MAMDC2: variants seen among roughly 807,000 people sequenced by gnomAD.
The protein encoded by MAMDC2 is MAM domain containing 2, also known as MAM domain-containing protein 2.
Under a neutral mutation model 89.8 loss-of-function variants are expected in MAMDC2, and 57 were observed. The observed-to-expected ratio is 0.63, with a 90% CI of 0.51 to 0.79. The LOEUF (loss-of-function observed/expected upper bound fraction) is 0.79. Ranked by LOEUF, MAMDC2 falls within the 30% of genes least tolerant of loss-of-function variation. The pLI, the probability that MAMDC2 is intolerant of heterozygous loss-of-function variation, is 0.00. For missense variants in MAMDC2, 800 were observed against 820.6 expected (o/e 0.97, Z 0.31); for synonymous variants, 313 against 293.4 (o/e 1.07, Z -0.68).
intron 2 of MAMDC2, among the ~76,000 whole-genome samples, chr9:70,080,246 C>T (rs1341433170): frequency 6.6e-6 from 1 of 152,180 alleles, no homozygotes; most frequent in Non-Finnish European, 1.5e-5. Flanking sequence ...CATCTTTCCA[C>T]AATCACTCTA....
At chr9:70,157,177 T>C (rs2031789812) in intron 9 of MAMDC2, among the ~76,000 whole-genome samples, 1 of 152,216 alleles carries the variant, frequency 6.6e-6, no homozygotes. Context: ...ACTTCTATCT[T>C]GTGAATATTT....
At chr9:70,062,773 C>T (rs1165416214) in intron 2 of MAMDC2, 2 of 152,188 alleles carry the variant, frequency 1.3e-5, no homozygotes, top group Non-Finnish European at 2.9e-5. Flanking sequence ...CTATTTCCAT[C>T]AGAATAAATT....
intron 11 of MAMDC2, chr9:70,217,239 G>A (rs575454071): frequency 1.3e-5 from 11 of 871,280 alleles, no homozygotes; most frequent in East Asian, 7.2e-5. Context: ...AGATCTACCC[G>A]GGACAGGGGA....
chr9:70,196,833 AAGAACCCAGTACTCT>A (rs1374094323), intron 11 of MAMDC2, among the ~76,000 whole-genome samples: 5 of 152,110 alleles, frequency 3.3e-5, no homozygotes, highest in Non-Finnish European at 7.4e-5. Flanking sequence ...GTACAAAGCA[AAGAACCCAGTACTCT>A]TAAAAACAAA....
chr9:70,134,839 A>T (rs1397909210), intron 7 of MAMDC2, among the ~76,000 whole-genome samples: 1 of 152,122 alleles, frequency 6.6e-6, no homozygotes, highest in Non-Finnish European at 1.5e-5. Flanking sequence ...TCTCCTACCC[A>T]AGCCAGCTTT....
chr9:70,175,626 T>A (rs2032475527), intron 11 of MAMDC2: 1 of 152,230 alleles, frequency 6.6e-6, no homozygotes, highest in African/African-American at 2.4e-5. Flanking sequence ...ATCAGCAGTT[T>A]CAGGCATCCA....
At position 70,218,417 on chromosome 9, in the gene MAMDC2, T is replaced by G; in HGVS notation, c.1732T>G (p.Ser578Ala). ...RLLSRPLRGVSGKHCLTFFYH... is the reference protein window; with the variant it reads ...RLLSRPLRGVAGKHCLTFFYH... ...CTTGTCCAGGCCTCTGCGAGGAGTCTCTGGAAAACACTGCTTGACCTTTTT... is the reference window on the plus strand; with the variant it reads ...CTTGTCCAGGCCTCTGCGAGGAGTCGCTGGAAAACACTGCTTGACCTTTTT... The change falls in exon 12 of 14, where the codon TCT becomes GCT. Residue 578 changes from serine (S) to alanine (A), a missense_variant. By Grantham distance (99) the Ser-to-Ala change is moderately conservative. Coordinates refer to ENST00000377182, the MANE Select transcript of MAMDC2 (RefSeq NM_153267.5). 1 of 1,614,192 alleles carries G rather than the reference T, an allele frequency of 6.2e-7. No homozygotes were observed. Among genetic ancestry groups the G allele is most frequent in the Non-Finnish European group, 8.5e-7 (1 of 1,180,022 alleles).
chr9:70,108,215 T>C lies in MAMDC2; in HGVS notation c.153T>C (p.His51=), dbSNP rs756139394. The C allele has an allele frequency of 6.4e-5, 101 of 1,583,424 alleles. No individual in the cohort carries two copies. Among genetic ancestry groups the C allele is most frequent in the Non-Finnish European group, 8.4e-5 (98 of 1,166,378 alleles). The change falls in exon 3 of 14, where the codon CAT becomes CAC. Residue 51 remains histidine, a synonymous_variant. Transcript: ENST00000377182. ...SLPWILNEEG[H]YIYVDTSFGK... ...TATGTTCCTTTCTCTTTCCAGGCCA[T>C]TACATTTATGTGGATACCTCCTTTG... is the stretch of plus-strand genomic sequence containing the variant.
chr9:70,066,697 A>T (rs1260979790), intron 2 of MAMDC2, among the ~76,000 whole-genome samples: 1 of 152,214 alleles, frequency 6.6e-6, no homozygotes, highest in Non-Finnish European at 1.5e-5. Context: ...TCTAATTGGC[A>T]TCCCAGAGTG....
At chr9:70,158,806 C>T (rs1927123) in intron 9 of MAMDC2, among the ~76,000 whole-genome samples, 137,825 of 151,812 alleles carry the variant, frequency 0.91, 62,703 homozygotes, top group East Asian at 0.98. Flanking sequence ...GTATAGCCTA[C>T]AGATCCTGGG....
chr9:70,159,761 A>G (rs1325353763), intron 9 of MAMDC2, among the ~76,000 whole-genome samples: 1 of 152,248 alleles, frequency 6.6e-6, no homozygotes. Flanking sequence ...TGACAATTAA[A>G]TTGGTCTTTA....
At chr9:70,202,050 T>C (rs1184469317) in intron 11 of MAMDC2, among the ~76,000 whole-genome samples, 1 of 151,948 alleles carries the variant, frequency 6.6e-6, no homozygotes, top group East Asian at 1.9e-4. Flanking sequence ...TGTCTCTATT[T>C]CCTTCAGTTC....
chr9:70,133,088 T>C (rs551242536), intron 7 of MAMDC2, among the ~76,000 whole-genome samples: 1 of 152,378 alleles, frequency 6.6e-6, no homozygotes, highest in African/African-American at 2.4e-5. Context: ...TATCAGTTGA[T>C]ATTTCAATTA....
chr9:70,122,223 T>C lies in MAMDC2; in HGVS notation c.644-3936T>C, dbSNP rs541966651. 3.3e-5 allele frequency among the ~76,000 whole-genome samples: 5 copies of C among 152,338 alleles called. No individual in the cohort carries two copies. The South Asian group carries it at 1.0e-3, about 32-fold the overall frequency. Reference sequence around the variant, plus strand: ...TGAGACTTAGTGTCAGCAGTCTTGGTCTTATTCCCAGCAGCCTCTCTGACT... The same window carrying C: ...TGAGACTTAGTGTCAGCAGTCTTGGCCTTATTCCCAGCAGCCTCTCTGACT... On this transcript the variant is annotated intron_variant, in intron 5 of 13. Coordinates refer to ENST00000377182, the MANE Select transcript of MAMDC2 (RefSeq NM_153267.5).
At chr9:70,179,534 A>T (rs2032587688) in intron 11 of MAMDC2, among the ~76,000 whole-genome samples, 1 of 150,890 alleles carries the variant, frequency 6.6e-6, no homozygotes, top group Admixed American at 6.6e-5. Context: ...AAAAAAAATA[A>T]ATAAATAAAT....
At chr9:70,083,698 CT>C (rs10562301) in intron 2 of MAMDC2, 5,859 of 141,958 alleles carry the variant, frequency 0.041, 341 homozygotes, top group African/African-American at 0.14. Context: ...TTCTTTCTTT[CT>C]TTTTTTTTTT....
chr9:70,068,742 AAAG>A (rs1827328310), intron 2 of MAMDC2, among the ~76,000 whole-genome samples: 1 of 151,424 alleles, frequency 6.6e-6, no homozygotes, highest in South Asian at 2.1e-4. Context: ...AAAAAAAAAA[AAAG>A]GCAATAGGGA....
intron 2 of MAMDC2, among the ~76,000 whole-genome samples, chr9:70,099,923 T>A (rs1828122186): frequency 6.7e-6 from 1 of 148,996 alleles, no homozygotes. Flanking sequence ...TGCAGTGAGC[T>A]GAGGTTACGC....
At position 70,108,496 on chromosome 9, in the gene MAMDC2, A is replaced by G; in HGVS notation, c.420+14A>G. 1 of 1,572,480 alleles carries G rather than the reference A, an allele frequency of 6.4e-7. No homozygotes were observed. Among genetic ancestry groups the G allele is most frequent in the South Asian group, 1.2e-5 (1 of 83,196 alleles). ...AAGAAATTCAAGGTAGGTGGAGTTT[A>G]GGAGAAAGATATAAGGCCTATTATC... On this transcript the variant is annotated intron_variant, in intron 3 of 13. Transcript: ENST00000377182.
Sources: allele counts gnomAD v4.1 joint callset (sites outside exome capture counted in the v4.1 genomes callset), GRCh38; gene constraint gnomAD v4.1.1; transcripts MANE v1.5; gene names NCBI Gene and HGNC (gene_info 2026-07-23, HGNC 2026-07-21).